Variants in SLIT3 observed in about 807,000 individuals in gnomAD.
The protein encoded by SLIT3 is slit homolog 3 protein.
In SLIT3, 68 loss-of-function variants were observed where a neutral mutation model predicts 184.0. The observed-to-expected ratio is 0.37, with a 90% CI of 0.30 to 0.45. The LOEUF (loss-of-function observed/expected upper bound fraction) is 0.45. Among genes scored for constraint, SLIT3 ranks in the 20% least tolerant of loss-of-function variants. The pLI is 1.00. For missense variants in SLIT3, 1,707 were observed against 2,026.0 expected (o/e 0.84, Z 3.02); for synonymous variants, 831 against 828.6 (o/e 1.00, Z -0.05).
At chr5:169,058,740 C>T (rs548000895) in intron 4 of SLIT3, among the ~76,000 whole-genome samples, 3 of 152,318 alleles carry the variant, frequency 2.0e-5, no homozygotes, top group Admixed American at 2.0e-4. Flanking sequence ...CTGTTTCCTA[C>T]TCTGGATATA....
intron 4 of SLIT3, among the ~76,000 whole-genome samples, chr5:168,952,528 C>CAAAAAA (rs372134778): frequency 2.2e-4 from 17 of 77,922 alleles, no homozygotes; most frequent in East Asian, 1.0e-3. Context: ...GGGAAAATGC[C>CAAAAAA]AAAAAAAAAA....
intron 4 of SLIT3, among the ~76,000 whole-genome samples, chr5:169,144,086 C>A (rs1761845154): frequency 6.6e-6 from 1 of 151,670 alleles, no homozygotes; most frequent in East Asian, 1.9e-4. Context: ...CAAGGGAATA[C>A]CATTTTTATT....
At chr5:169,091,110 T>C (rs773492949) in intron 4 of SLIT3, among the ~76,000 whole-genome samples, 1 of 152,210 alleles carries the variant, frequency 6.6e-6, no homozygotes, top group Non-Finnish European at 1.5e-5. Context: ...GACGGGTATA[T>C]AATGGATGAC....
chr5:168,871,224 T>G (rs1181385311), intron 5 of SLIT3, among the ~76,000 whole-genome samples: 1 of 152,224 alleles, frequency 6.6e-6, no homozygotes, highest in South Asian at 2.1e-4. Context: ...ATGAAGACCC[T>G]TCTGATTACA....
chr5:169,088,557 A>C (rs1326424963), intron 4 of SLIT3, among the ~76,000 whole-genome samples: 1 of 152,168 alleles, frequency 6.6e-6, no homozygotes, highest in African/African-American at 2.4e-5. Flanking sequence ...AGGAGTGAGC[A>C]AGACTGGTCA....
chr5:168,686,948 G>C, intron 30 of SLIT3, 31 bp downstream of exon 30: 1 of 1,604,790 alleles, frequency 6.2e-7, no homozygotes, highest in Non-Finnish European at 8.5e-7. Context: ...GGCCCAGGCT[G>C]TCTCCTTCCT....
chr5:168,851,907 C>T (rs549202556), intron 5 of SLIT3, among the ~76,000 whole-genome samples: 23 of 152,220 alleles, frequency 1.5e-4, no homozygotes, highest in Non-Finnish European at 1.8e-4. Context: ...CTCCTCACTG[C>T]AGCTTCTGTA....
At chr5:169,076,255 T>C (rs1283772198) in intron 4 of SLIT3, among the ~76,000 whole-genome samples, 1 of 152,202 alleles carries the variant, frequency 6.6e-6, no homozygotes. Context: ...GCCAAGGAAT[T>C]GAGGGCCTTT....
At chr5:169,280,961 G>A (rs953829219) in intron 1 of SLIT3, among the ~76,000 whole-genome samples, 4 of 152,040 alleles carry the variant, frequency 2.6e-5, no homozygotes, top group South Asian at 2.1e-4. Context: ...AGCAAAGCTG[G>A]GTCAAGCAAA....
intron 6 of SLIT3, among the ~76,000 whole-genome samples, chr5:168,826,898 G>A (rs565979189): frequency 6.1e-4 from 93 of 152,142 alleles, no homozygotes; most frequent in Non-Finnish European, 1.0e-3. Context: ...GAGTAGCTGG[G>A]ATTACAGGTG....
chr5:168,774,389 A>G lies in SLIT3; in HGVS notation c.1152-11T>C, dbSNP rs1170571336. 1 of 1,606,390 alleles carries G rather than the reference A, an allele frequency of 6.2e-7. No homozygotes were observed. Among genetic ancestry groups the G allele is most frequent in the East Asian group, 2.2e-5 (1 of 44,780 alleles). The stretch of plus-strand genomic sequence containing the variant: ...TTGGCATTGAGGAGGCTGCAAACAG[A>G]AGAGAGCCTGGTTGATTCACTAATC... On this transcript the variant is annotated splice_polypyrimidine_tract_variant and intron_variant, in intron 12 of 35. Coordinates refer to ENST00000519560, the MANE Select transcript of SLIT3 (RefSeq NM_003062.4).
intron 4 of SLIT3, among the ~76,000 whole-genome samples, chr5:169,120,660 A>C (rs1760842343): frequency 1.3e-5 from 2 of 152,212 alleles, no homozygotes; most frequent in African/African-American, 4.8e-5. Flanking sequence ...TTAAGACAGC[A>C]GTAGGAAACG....
At chr5:169,238,529 G>C (rs531512903) in intron 3 of SLIT3, among the ~76,000 whole-genome samples, 1 of 143,442 alleles carries the variant, frequency 7.0e-6, no homozygotes. Context: ...TTTTAGAATG[G>C]AGCAGTGAAA....
At chr5:168,840,953 C>G (rs1018548438) in intron 6 of SLIT3, among the ~76,000 whole-genome samples, 1 of 152,178 alleles carries the variant, frequency 6.6e-6, no homozygotes, top group Non-Finnish European at 1.5e-5. Context: ...GTTTGATTTA[C>G]CTTCAACTTT....
chr5:168,686,372 G>A (rs866744983), intron 30 of SLIT3, among the ~76,000 whole-genome samples: 22 of 152,288 alleles, frequency 1.4e-4, no homozygotes, highest in African/African-American at 4.1e-4. Flanking sequence ...AAAATGTGGC[G>A]CATCCATCCA....
chr5:169,278,354 G>C (rs1269832146), intron 1 of SLIT3, among the ~76,000 whole-genome samples: 1 of 152,216 alleles, frequency 6.6e-6, no homozygotes, highest in Non-Finnish European at 1.5e-5. Context: ...AGAGTGTTGT[G>C]ACTAAGAAAC....
At chr5:169,282,682 A>G (rs964364904) in intron 1 of SLIT3, among the ~76,000 whole-genome samples, 3 of 152,216 alleles carry the variant, frequency 2.0e-5, no homozygotes, top group Non-Finnish European at 2.9e-5. Flanking sequence ...GACTACTCCA[A>G]ACAAAGAAAA....
At chr5:168,736,085 G>C (rs1001043553) in intron 20 of SLIT3, among the ~76,000 whole-genome samples, 1 of 152,132 alleles carries the variant, frequency 6.6e-6, no homozygotes, top group East Asian at 1.9e-4. Flanking sequence ...TGATCTGGTC[G>C]GTTTTCTTAC....
At chr5:168,762,811 T>C (rs917824479) in intron 14 of SLIT3, 122 bp from the exon 15 acceptor site, 8 of 963,826 alleles carry the variant, frequency 8.3e-6, no homozygotes, top group Non-Finnish European at 1.3e-5. Context: ...AGGGGTCAAG[T>C]AACAGACACG....
Sources: allele counts gnomAD v4.1 joint callset (sites outside exome capture counted in the v4.1 genomes callset), GRCh38; gene constraint gnomAD v4.1.1; transcripts MANE v1.5; gene names NCBI Gene and HGNC (gene_info 2026-07-23, HGNC 2026-07-21).